Variants in RNF115 observed in about 807,000 individuals in gnomAD.
RNF115 encodes ring finger protein 115.
RNF115 carries 31 observed loss-of-function variants against 39.2 expected under a neutral mutation model. That is an observed-to-expected ratio of 0.79 (90% CI 0.59 to 1.07). The LOEUF is 1.07. RNF115 is among the 50% of genes least tolerant of loss of function. The pLI, the probability that RNF115 is intolerant of heterozygous loss-of-function variation, is 0.00. For missense variants in RNF115, 384 were observed against 381.7 expected, an observed-to-expected ratio of 1.01 and a Z score of -0.05; for synonymous variants, 124 against 131.0, an observed-to-expected ratio of 0.95 and a Z score of 0.37.
At chr1:145,799,072 CTTTT>C (rs200462957) in intron 1 of RNF115, among the ~76,000 whole-genome samples, 1 of 137,018 alleles carries the variant, frequency 7.3e-6, no homozygotes, top group African/African-American at 2.7e-5. Flanking sequence ...TTAGGGTTTT[CTTTT>C]TTTTTTTTTT....
At chr1:145,764,795 G>A (rs587610585) in intron 4 of RNF115, among the ~76,000 whole-genome samples, 1 of 151,696 alleles carries the variant, frequency 6.6e-6, no homozygotes, top group South Asian at 2.1e-4. Context: ...CCATCCGGGA[G>A]GGAGATGGGG....
At chr1:145,820,921 GA>G (rs1294206269) in intron 1 of RNF115, among the ~76,000 whole-genome samples, 1 of 133,212 alleles carries the variant, frequency 7.5e-6, no homozygotes, top group Non-Finnish European at 1.6e-5. Flanking sequence ...TTTTAGTTGT[GA>G]AAAAAACATG....
At chr1:145,755,257 G>A (rs138802371) in intron 4 of RNF115, among the ~76,000 whole-genome samples, 49 of 151,114 alleles carry the variant, frequency 3.2e-4, no homozygotes, top group African/African-American at 9.9e-4. Context: ...AAGGTGGGGG[G>A]CGGGGGGCAG....
chr1:145,749,416 A>C (rs1436612294), intron 7 of RNF115, among the ~76,000 whole-genome samples: 3 of 152,068 alleles, frequency 2.0e-5, no homozygotes, highest in Non-Finnish European at 4.4e-5. Flanking sequence ...GGCACCTCAA[A>C]AATCAACAAA....
intron 1 of RNF115, among the ~76,000 whole-genome samples, chr1:145,814,132 G>A (rs1203006813): frequency 6.7e-6 from 1 of 150,122 alleles, no homozygotes; most frequent in Non-Finnish European, 1.5e-5. Flanking sequence ...AAATTAGCCG[G>A]GTGTGGTGGT....
chr1:145,773,622 G>A (rs1559114360), intron 3 of RNF115: 1 of 152,104 alleles, frequency 6.6e-6, no homozygotes. Flanking sequence ...AGCCAGAGGT[G>A]AAAGCTAATG....
Position 145,748,028 on chromosome 1 carries a change from A to T in RNF115, c.750T>A (p.Phe250Leu). The T allele has an allele frequency of 6.2e-7, 1 of 1,613,778 alleles. No homozygotes were observed. The highest frequency in any genetic ancestry group is 8.5e-7 in the Non-Finnish European group (1 of 1,179,680). ...EVRQLPCNHF[F>L]HSSCIVPWLE... is the part of the protein sequence containing the mutation. ...GCCACGGCACAATACAACTGCTGTGAAAGAAGTGATTGCAAGGTAACTGCC... is the reference window on the plus strand; with the variant it reads ...GCCACGGCACAATACAACTGCTGTGTAAGAAGTGATTGCAAGGTAACTGCC... The change falls in exon 8 of 9, where the codon TTT becomes TTA. Residue 250 changes from phenylalanine to leucine, a missense_variant. Physicochemically the swap from Phe to Leu is conservative, Grantham distance 22. Transcript: ENST00000582693.
At chr1:145,814,268 A>C (rs587616414) in intron 1 of RNF115, among the ~76,000 whole-genome samples, 12 of 152,038 alleles carry the variant, frequency 7.9e-5, no homozygotes, top group African/African-American at 2.4e-4. Context: ...TCCAAAAAAA[A>C]GATAAAAAAT....
At chr1:145,753,169 A>G in intron 4 of RNF115, 120 bp from the exon 5 acceptor site, 1 of 643,014 alleles carries the variant, frequency 1.6e-6, no homozygotes, top group East Asian at 2.6e-5. Context: ...ATTGGCTAGT[A>G]CACAAGAGAC....
At position 145,741,129 on chromosome 1, in the gene RNF115, T is replaced by C. The variant is rs1228434050; in HGVS notation, c.*5737A>G. On this transcript the variant is annotated 3_prime_UTR_variant, in exon 9 of 9. Transcript: ENST00000582693. ...CTGAGATTACAGGCATGAGCCACAA[T>C]GCCCAGCCAAGAATCTAATAATTTT... 1.3e-5 allele frequency: 2 copies of C among 152,216 alleles called. No homozygotes were observed. The highest frequency in any genetic ancestry group is 2.9e-5 in the Non-Finnish European group (2 of 68,028). 9.4% of individuals were successfully genotyped at this position (152,216 alleles called of 1,614,324 possible).
chr1:145,799,716 C>G (rs1553720604), intron 1 of RNF115, among the ~76,000 whole-genome samples: 1 of 152,066 alleles, frequency 6.6e-6, no homozygotes, highest in South Asian at 2.1e-4. Flanking sequence ...CCAAAGCGTC[C>G]CAAGTAGCTA....
chr1:145,816,716 G>A (rs1216841167), intron 1 of RNF115, among the ~76,000 whole-genome samples: 2 of 147,972 alleles, frequency 1.4e-5, no homozygotes, highest in Non-Finnish European at 3.0e-5. Context: ...CATAGATGAT[G>A]GGTTCTTTCT....
intron 1 of RNF115, among the ~76,000 whole-genome samples, chr1:145,798,886 T>A (rs1050780522): frequency 6.6e-6 from 1 of 152,142 alleles, no homozygotes; most frequent in Non-Finnish European, 1.5e-5. Flanking sequence ...ACTTCTTTGG[T>A]TAGGGTCATT....
intron 4 of RNF115, among the ~76,000 whole-genome samples, chr1:145,758,645 GT>G: frequency 6.6e-6 from 1 of 152,290 alleles, no homozygotes; most frequent in South Asian, 2.1e-4. Flanking sequence ...TAATAATCAA[GT>G]TTGAGAGATA....
chr1:145,786,785 T>C (rs1166054193), intron 2 of RNF115, among the ~76,000 whole-genome samples: 2 of 152,236 alleles, frequency 1.3e-5, no homozygotes, highest in Non-Finnish European at 2.9e-5. Context: ...GCAATTATAA[T>C]GGCACAAACA....
At chr1:145,763,883 GCCCTCCCCCTCC>G (rs1187220015) in intron 4 of RNF115, among the ~76,000 whole-genome samples, 77 of 141,178 alleles carry the variant, frequency 5.5e-4, no homozygotes, top group African/African-American at 1.9e-3. Context: ...AAATTATTTG[GCCCTCCCCCTCC>G]CCCTCCCCCT....
chr1:145,751,509 T>A lies in RNF115; in HGVS notation c.502A>T (p.Ser168Cys). The change falls in exon 6 of 9, where the codon AGC (serine) becomes TGC (cysteine). Residue 168 changes from serine to cysteine, a missense_variant and splice_region_variant. Physicochemically the swap from Ser to Cys is moderately radical, Grantham distance 112. Transcript: ENST00000582693. ...IPGSPHPFSW[S>C]GMLHSNPGDY... Reference sequence around the variant, plus strand: ...CCAGGGTTGGAGTGCAGCATCCCGCTCCTATACGTGAGATGAGATAGACAG... The same window carrying A: ...CCAGGGTTGGAGTGCAGCATCCCGCACCTATACGTGAGATGAGATAGACAG... 1 of 1,594,184 alleles carries A rather than the reference T, an allele frequency of 6.3e-7. No individual in the cohort carries two copies. Among genetic ancestry groups the A allele is most frequent in the Non-Finnish European group, 8.6e-7 (1 of 1,168,754 alleles).
chr1:145,751,383 G>A (rs1658080021), intron 6 of RNF115, 55 bp downstream of exon 6: 2 of 1,206,968 alleles, frequency 1.7e-6, no homozygotes, highest in Non-Finnish European at 2.4e-6. Context: ...AAAGCAGGAA[G>A]CCTGTGGAAC....
rs1323855695 is a variant in RNF115, at chr1:145,794,895, T to C, written c.103-5929A>G. On this transcript the variant is annotated intron_variant, in intron 1 of 8. Transcript: ENST00000582693. Reference sequence around the variant, plus strand: ...AGCCGTGCGTGGTGGCGGGCGCCTGTAGTCCCAGCTACTGGGAAGGCTGAA... The same window carrying C: ...AGCCGTGCGTGGTGGCGGGCGCCTGCAGTCCCAGCTACTGGGAAGGCTGAA... Among the ~76,000 whole-genome samples the C allele has an allele frequency of 2.0e-5, 3 of 151,384 alleles. No individual in the cohort carries two copies. In the Admixed American group the frequency reaches 2.0e-4, roughly 10 times the overall value.
Sources: allele counts gnomAD v4.1 joint callset (sites outside exome capture counted in the v4.1 genomes callset), GRCh38; gene constraint gnomAD v4.1.1; transcripts MANE v1.5; gene names NCBI Gene and HGNC (gene_info 2026-07-23, HGNC 2026-07-21).